SGCZ: variants seen among roughly 807,000 people sequenced by gnomAD.
The protein encoded by SGCZ is sarcoglycan zeta, also known as zeta-sarcoglycan.
Under a neutral mutation model 41.3 loss-of-function variants are expected in SGCZ, and 40 were observed. The ratio of observed to expected loss-of-function variants is 0.97; its 90% CI spans 0.75 to 1.26. SGCZ has a LOEUF of 1.26. Ranked by LOEUF, SGCZ falls within the 50% of genes most tolerant of loss-of-function variation. The pLI, the probability that SGCZ is intolerant of heterozygous loss-of-function variation, is 0.00. For synonymous variants in SGCZ, 206 were observed against 137.5 expected, an observed-to-expected ratio of 1.50 and a Z score of -3.49; for missense variants, 552 against 369.8, an observed-to-expected ratio of 1.49 and a Z score of -4.04.
At chr8:14,824,907 T>C (rs1585294361) in intron 1 of SGCZ, among the ~76,000 whole-genome samples, 1 of 152,104 alleles carries the variant, frequency 6.6e-6, no homozygotes, top group East Asian at 1.9e-4. Context: ...TGGATACCAA[T>C]TTTTTGTCAA....
chr8:15,163,483 CCT>C (rs1799572379), intron 1 of SGCZ, among the ~76,000 whole-genome samples: 1 of 152,106 alleles, frequency 6.6e-6, no homozygotes. Flanking sequence ...CCCTTCACTC[CCT>C]GTTTTGTTTT....
At chr8:14,971,024 A>G (rs774877351) in intron 1 of SGCZ, among the ~76,000 whole-genome samples, 2 of 152,158 alleles carry the variant, frequency 1.3e-5, no homozygotes, top group African/African-American at 2.4e-5. Context: ...TGTCTCTAGG[A>G]CATATTTTTG....
At chr8:15,136,729 T>C (rs1585601258) in intron 1 of SGCZ, among the ~76,000 whole-genome samples, 1 of 152,166 alleles carries the variant, frequency 6.6e-6, no homozygotes, top group Non-Finnish European at 1.5e-5. Flanking sequence ...GATTGTAAGT[T>C]TCCTGAGGCC....
intron 1 of SGCZ, among the ~76,000 whole-genome samples, chr8:14,815,292 A>G (rs536267241): frequency 3.9e-5 from 6 of 152,228 alleles, no homozygotes; most frequent in East Asian, 3.9e-4. Flanking sequence ...AAGGCAAAGA[A>G]AAATTTGTTT....
intron 3 of SGCZ, among the ~76,000 whole-genome samples, chr8:14,265,776 A>G (rs969804512): frequency 6.6e-6 from 1 of 151,920 alleles, no homozygotes; most frequent in Admixed American, 6.6e-5. Flanking sequence ...AACAGAGAGA[A>G]TGAAATAAAT....
At chr8:15,185,226 G>A (rs970084995) in intron 1 of SGCZ, among the ~76,000 whole-genome samples, 1 of 152,184 alleles carries the variant, frequency 6.6e-6, no homozygotes, top group African/African-American at 2.4e-5. Flanking sequence ...CTTGAAGTCT[G>A]TCTTCTGCAG....
intron 1 of SGCZ, among the ~76,000 whole-genome samples, chr8:14,620,688 AT>A (rs1806255964): frequency 6.6e-6 from 1 of 152,240 alleles, no homozygotes. Context: ...ACATGAAAAA[AT>A]GCTCATCATC....
At chr8:14,982,174 G>A (rs951138077) in intron 1 of SGCZ, among the ~76,000 whole-genome samples, 1 of 144,832 alleles carries the variant, frequency 6.9e-6, no homozygotes, top group Non-Finnish European at 1.5e-5. Flanking sequence ...AAAAAAAAAG[G>A]AAATGACATT....
chr8:14,801,266 A>G (rs1214759833), intron 1 of SGCZ, among the ~76,000 whole-genome samples: 1 of 152,200 alleles, frequency 6.6e-6, no homozygotes, highest in Non-Finnish European at 1.5e-5. Context: ...TCATTACATC[A>G]GCAAATATAT....
At chr8:14,789,407 G>A (rs1413513435) in intron 1 of SGCZ, among the ~76,000 whole-genome samples, 2 of 152,142 alleles carry the variant, frequency 1.3e-5, no homozygotes, top group Non-Finnish European at 2.9e-5. Context: ...GGATCCCCAA[G>A]TATTGATCTT....
intron 3 of SGCZ, among the ~76,000 whole-genome samples, chr8:14,254,736 A>G (rs1799402441): frequency 6.9e-6 from 1 of 145,680 alleles, no homozygotes; most frequent in African/African-American, 2.4e-5. Context: ...AATGTGAAAG[A>G]CATCGTGTCG....
intron 1 of SGCZ, among the ~76,000 whole-genome samples, chr8:14,688,693 C>T (rs1369472500): frequency 6.6e-6 from 1 of 152,022 alleles, no homozygotes; most frequent in Non-Finnish European, 1.5e-5. Flanking sequence ...TTTTTGGTGC[C>T]ATATGAACTT....
intron 3 of SGCZ, among the ~76,000 whole-genome samples, chr8:14,312,670 A>AGAGGAGGAG (rs898535295): frequency 6.6e-6 from 1 of 151,384 alleles, no homozygotes; most frequent in South Asian, 2.1e-4. Context: ...AGGAGGAGGA[A>AGAGGAGGAG]GAGGAGGAGG....
At chr8:14,849,190 A>C (rs1803233669) in intron 1 of SGCZ, among the ~76,000 whole-genome samples, 1 of 152,156 alleles carries the variant, frequency 6.6e-6, no homozygotes, top group Admixed American at 6.5e-5. Flanking sequence ...AGTGTTAAAT[A>C]TGTAGTGGAA....
intron 4 of SGCZ, among the ~76,000 whole-genome samples, chr8:14,188,744 T>C (rs2117040641): frequency 6.6e-6 from 1 of 152,248 alleles, no homozygotes; most frequent in African/African-American, 2.4e-5. Flanking sequence ...GTTTCATTGA[T>C]TCATCCTTCA....
rs57595662 is a variant in SGCZ, at chr8:14,117,408, C to CTGTGTGTG, written c.548-9181_548-9174dup. 4.3e-3 allele frequency among the ~76,000 whole-genome samples: 564 copies of CTGTGTGTG among 131,562 alleles called. 6 individuals carry two copies. The highest frequency in any genetic ancestry group is 0.016 in the Middle Eastern group (4 of 258). 86.3% of individuals were successfully genotyped at this position (131,562 alleles called of 152,430 possible). A position where few individuals can be genotyped will look rare whatever the true frequency, so the allele number is the denominator to read the frequency against. ...AATTGTGACACTGAGATGCACACAT[C>CTGTGTGTG]TGTGTGTGTGTGTGTGTGTGTGTGT... On this transcript the variant is annotated intron_variant, in intron 5 of 7. Coordinates refer to ENST00000382080, the MANE Select transcript of SGCZ (RefSeq NM_139167.4).
chr8:14,116,408 GTC>G (rs1289299051), intron 5 of SGCZ, among the ~76,000 whole-genome samples: 1 of 151,882 alleles, frequency 6.6e-6, no homozygotes, highest in Non-Finnish European at 1.5e-5. Flanking sequence ...ATTTTTTTGG[GTC>G]TCTCTGCCGA....
At chr8:14,148,657 G>T (rs1803601966) in intron 5 of SGCZ, among the ~76,000 whole-genome samples, 1 of 152,034 alleles carries the variant, frequency 6.6e-6, no homozygotes, top group South Asian at 2.1e-4. Context: ...CCAGGAAATG[G>T]AAGAAGAGGA....
At chr8:14,517,041 C>G (rs1335118758) in intron 2 of SGCZ, among the ~76,000 whole-genome samples, 1 of 151,750 alleles carries the variant, frequency 6.6e-6, no homozygotes, top group Non-Finnish European at 1.5e-5. Context: ...TGATTCTCCC[C>G]CTATGACTCG....
Sources: allele counts gnomAD v4.1 joint callset (sites outside exome capture counted in the v4.1 genomes callset), GRCh38; gene constraint gnomAD v4.1.1; transcripts MANE v1.5; gene names NCBI Gene and HGNC (gene_info 2026-07-23, HGNC 2026-07-21).